Variants in ATP13A5 observed in about 807,000 individuals in gnomAD.
The protein encoded by ATP13A5 is ATPase 13A5, also known as probable cation-transporting ATPase 13A5.
A neutral mutation model predicts 150.2 loss-of-function variants in ATP13A5; 149 were observed. The observed-to-expected ratio is 0.99, with a 90% confidence interval of 0.87 to 1.14. The LOEUF (loss-of-function observed/expected upper bound fraction) is 1.14. Ranked by LOEUF, ATP13A5 falls within the 50% of genes most tolerant of loss-of-function variation. The pLI, the probability that ATP13A5 is intolerant of heterozygous loss-of-function variation, is 0.00. For missense variants in ATP13A5, 1,383 were observed against 1,449.3 expected (o/e 0.95, Z 0.74); for synonymous variants, 497 against 522.2 (o/e 0.95, Z 0.66).
intron 24 of ATP13A5, 83 bp from the exon 25 acceptor site, chr3:193,299,286 T>G: frequency 9.5e-7 from 1 of 1,055,982 alleles, no homozygotes; most frequent in Non-Finnish European, 1.4e-6. Context: ...TTTTAAGTCG[T>G]TAGGAGGCAG....
rs113891560 is a variant in ATP13A5 at position 193,294,342 on chromosome 3, T to C, written c.2849-4283A>G. ...GTTCTTAAACAAACCCTCCCTCTAT[T>C]TTCTTGATCTAGTTTGAGGAGTTCT... On this transcript the variant is annotated intron_variant, in intron 25 of 29. Transcript: ENST00000342358. Among the ~76,000 whole-genome samples, 1,281 of 152,188 alleles carry C rather than the reference T, an allele frequency of 8.4e-3. 17 individuals are homozygous for C. The highest frequency in any genetic ancestry group is 0.029 in the African/African-American group (1,205 of 41,554).
At chr3:193,307,769 T>C (rs1376354411) in intron 21 of ATP13A5, among the ~76,000 whole-genome samples, 1 of 152,234 alleles carries the variant, frequency 6.6e-6, no homozygotes, top group Non-Finnish European at 1.5e-5. Flanking sequence ...TGACTGTTGC[T>C]GAGCATTTAC....
At chr3:193,341,163 T>C (rs1045650218) in intron 9 of ATP13A5, among the ~76,000 whole-genome samples, 8 of 122,364 alleles carry the variant, frequency 6.5e-5, no homozygotes, top group South Asian at 5.1e-4. Context: ...AATTAACATA[T>C]TCCCCCCCCC....
chr3:193,360,512 T>TA (rs1712962822), intron 5 of ATP13A5, among the ~76,000 whole-genome samples: 1 of 152,146 alleles, frequency 6.6e-6, no homozygotes, highest in Admixed American at 6.5e-5. Context: ...GGTCTTACCC[T>TA]AAAAAATGAA....
At chr3:193,354,019 G>T in intron 6 of ATP13A5, 108 bp downstream of exon 6, 1 of 861,264 alleles carries the variant, frequency 1.2e-6, no homozygotes, top group Non-Finnish European at 1.7e-6. Flanking sequence ...GAAGTCGCAT[G>T]AAACAAGATA....
In ATP13A5 at chr3:193,275,552, A is replaced by G. The variant is rs750671031; in HGVS notation, c.3397-250T>C. Among the ~76,000 whole-genome samples, 5 of 152,128 alleles carry G rather than the reference A, an allele frequency of 3.3e-5. No homozygotes were observed. The South Asian group carries it at 6.2e-4, about 19-fold the overall frequency. ...CACATTTCCTGGTTAAGTCCTGGCT[A>G]GGGATTTTCTTAGAATGATTTTCCC... On this transcript the variant is annotated intron_variant, in intron 29 of 29. Transcript: ENST00000342358.
chr3:193,287,641 G>T (rs1458075640), intron 26 of ATP13A5, among the ~76,000 whole-genome samples: 1 of 152,082 alleles, frequency 6.6e-6, no homozygotes, highest in African/African-American at 2.4e-5. Flanking sequence ...CAGTGCCCCT[G>T]GTCACCCTTC....
chr3:193,279,374 C>A lies in ATP13A5; in HGVS notation c.3307G>T (p.Gly1103Ter). The A allele has an allele frequency of 1.9e-6, 3 of 1,613,166 alleles. No homozygotes were observed. Among genetic ancestry groups the A allele is most frequent in the African/African-American group, 1.3e-5 (1 of 75,020 alleles). Residue 1103 changes from glycine (G) to a stop codon, truncating the protein, a stop_gained, in exon 28 of 30, where the codon GGA becomes TGA. Transcript: ENST00000342358. LOFTEE classifies it high-confidence loss of function. ...AAATGAATGCCACTTACCTCCATTC[C>A]ACGGTATATAACTTGAAAGTCAGAA... The part of the protein sequence containing the change: ...LFSDFQVIYR[G>*]MELIPTITSW...
intron 7 of ATP13A5, among the ~76,000 whole-genome samples, chr3:193,350,318 G>C (rs1397003673): frequency 6.6e-6 from 1 of 151,854 alleles, no homozygotes; most frequent in African/African-American, 2.4e-5. Context: ...TCCTTCAGTG[G>C]GTTCCCTTAT....
intron 5 of ATP13A5, among the ~76,000 whole-genome samples, chr3:193,357,440 T>C (rs1310392377): frequency 6.6e-6 from 1 of 152,208 alleles, no homozygotes; most frequent in African/African-American, 2.4e-5. Context: ...TCTCTTCTAC[T>C]GCTTCTTGCC....
At chr3:193,331,819 A>G (rs141966659) in intron 11 of ATP13A5, among the ~76,000 whole-genome samples, 291 of 152,350 alleles carry the variant, frequency 1.9e-3, no homozygotes, top group Admixed American at 3.9e-3. Flanking sequence ...GTTGCTCTCT[A>G]TAACAACCTT....
intron 12 of ATP13A5, among the ~76,000 whole-genome samples, chr3:193,330,234 A>G (rs1351754409): frequency 3.3e-5 from 5 of 152,176 alleles, no homozygotes; most frequent in Non-Finnish European, 1.5e-5. Context: ...TCAGGCCTCT[A>G]TTAAACACAC....
chr3:193,320,810 C>A (rs978274052), intron 16 of ATP13A5, among the ~76,000 whole-genome samples: 2 of 152,188 alleles, frequency 1.3e-5, no homozygotes, highest in Admixed American at 6.5e-5. Context: ...TCTTATACAT[C>A]TGGCTGCCGC....
Position 193,276,732 on chromosome 3 carries a change from A to ATAT in ATP13A5, c.3396+15_3396+17dup. 2.6e-6 allele frequency: 4 copies of ATAT among 1,543,522 alleles called. No homozygotes were observed. The highest frequency in any genetic ancestry group is 3.5e-6 in the Non-Finnish European group (4 of 1,128,034). On this transcript the variant is annotated intron_variant, in intron 29 of 29. Transcript: ENST00000342358. Reference sequence around the variant, plus strand: ...TAATTTGTTTATCTTCCTAGAAAAAATATAGAGATTACTTTACCTCTACAA... The same window carrying ATAT: ...TAATTTGTTTATCTTCCTAGAAAAAATATTATAGAGATTACTTTACCTCTACAA...
intron 23 of ATP13A5, among the ~76,000 whole-genome samples, chr3:193,302,125 G>A (rs1252928895): frequency 6.6e-6 from 1 of 152,076 alleles, no homozygotes; most frequent in Non-Finnish European, 1.5e-5. Flanking sequence ...CACATGGGAC[G>A]TGACCCACAT....
At chr3:193,348,126 C>T (rs573178019) in intron 7 of ATP13A5, among the ~76,000 whole-genome samples, 18 of 152,256 alleles carry the variant, frequency 1.2e-4, no homozygotes, top group African/African-American at 3.4e-4. Context: ...TCTGCAAACA[C>T]GGGTTTCTAT....
chr3:193,326,646 C>T (rs149404064), intron 13 of ATP13A5, among the ~76,000 whole-genome samples: 2 of 152,260 alleles, frequency 1.3e-5, no homozygotes, highest in South Asian at 2.1e-4. Flanking sequence ...CTTTTTATCC[C>T]GCTAGACTGT....
intron 5 of ATP13A5, among the ~76,000 whole-genome samples, chr3:193,360,459 A>G (rs1288846773): frequency 6.6e-6 from 1 of 152,184 alleles, no homozygotes; most frequent in Non-Finnish European, 1.5e-5. Flanking sequence ...AATTGGTAAG[A>G]TATTACTCAA....
At position 193,285,519 on chromosome 3, in the gene ATP13A5, T is replaced by C. The variant is rs1032435368; in HGVS notation, c.3024-403A>G. Among the ~76,000 whole-genome samples the C allele has an allele frequency of 4.7e-4, 71 of 152,318 alleles. 2 individuals carry two copies. The highest frequency in any genetic ancestry group is 1.7e-3 in the African/African-American group (69 of 41,572). ...TTACTTCCCTCAGATAGCTAAAGGA[T>C]CTTCCTGAAAATCTGAACATGACAG... On this transcript the variant is annotated intron_variant, in intron 26 of 29. Transcript: ENST00000342358.
Sources: allele counts gnomAD v4.1 joint callset (sites outside exome capture counted in the v4.1 genomes callset), GRCh38; gene constraint gnomAD v4.1.1; transcripts MANE v1.5; gene names NCBI Gene and HGNC (gene_info 2026-07-23, HGNC 2026-07-21).